USO1: variants seen among roughly 807,000 people sequenced by gnomAD.
The protein encoded by USO1 is USO1 vesicle transport factor, also known as general vesicular transport factor p115.
In USO1, 57 loss-of-function variants were observed where a neutral mutation model predicts 124.5. The ratio of observed to expected loss-of-function variants is 0.46; its 90% CI spans 0.37 to 0.57. The LOEUF (loss-of-function observed/expected upper bound fraction) is 0.57, where lower values mean the gene tolerates loss of function less well. Ranked by LOEUF, USO1 falls within the 20% of genes least tolerant of loss-of-function variation. The pLI is 0.00. For missense variants in USO1, 900 were observed against 1,040.6 expected, an observed-to-expected ratio of 0.86 and a Z score of 1.86; for synonymous variants, 369 against 362.8, an observed-to-expected ratio of 1.02 and a Z score of -0.19.
chr4:75,803,102 C>G (rs1722899218), intron 17 of USO1, among the ~76,000 whole-genome samples: 1 of 142,144 alleles, frequency 7.0e-6, no homozygotes, highest in African/African-American at 2.6e-5. Flanking sequence ...AAAAAAAAAC[C>G]CAAGAAAAAA....
intron 3 of USO1, among the ~76,000 whole-genome samples, chr4:75,754,034 G>A (rs1225887233): frequency 6.6e-6 from 1 of 150,606 alleles, no homozygotes; most frequent in African/African-American, 2.4e-5. Flanking sequence ...TGATCCACCT[G>A]CCTTGGCCTC....
At chr4:75,737,236 TA>T (rs1275831771) in intron 1 of USO1, among the ~76,000 whole-genome samples, 4 of 152,190 alleles carry the variant, frequency 2.6e-5, no homozygotes, top group African/African-American at 9.7e-5. Flanking sequence ...TAAATAGTAA[TA>T]TTGCCTATCT....
At chr4:75,774,607 T>G in intron 7 of USO1, 69 bp from the exon 8 acceptor site, 2 of 1,518,764 alleles carry the variant, frequency 1.3e-6, no homozygotes, top group Non-Finnish European at 1.8e-6. Context: ...AATTCTGTGA[T>G]TTTTGAAGTA....
At chr4:75,737,103 G>T (rs1360289319) in intron 1 of USO1, among the ~76,000 whole-genome samples, 2 of 152,266 alleles carry the variant, frequency 1.3e-5, no homozygotes, top group Middle Eastern at 3.4e-3. Context: ...TTGGCCCAGA[G>T]AACCAATTTA....
In USO1 at chr4:75,740,941, T is replaced by C. The variant is rs79483590; in HGVS notation, c.67-11432T>C. Among the ~76,000 whole-genome samples, 871 of 152,340 alleles carry C rather than the reference T, an allele frequency of 5.7e-3. 15 individuals carry two copies. The highest frequency in any genetic ancestry group is 0.02 in the African/African-American group (815 of 41,572). ...GTTGTCTTTTGTATTTACCAATATATATATTTACACAAATGAGTTTCTTTA... is the reference window on the plus strand; with the variant it reads ...GTTGTCTTTTGTATTTACCAATATACATATTTACACAAATGAGTTTCTTTA... On this transcript the variant is annotated intron_variant, in intron 1 of 23. Transcript: ENST00000514213.
intron 4 of USO1, among the ~76,000 whole-genome samples, chr4:75,758,631 C>T (rs1390203275): frequency 6.6e-6 from 1 of 151,792 alleles, no homozygotes; most frequent in Admixed American, 6.6e-5. Context: ...GTCTGCAATC[C>T]CAGCACTTTG....
At chr4:75,751,203 A>G (rs1392593595) in intron 1 of USO1, among the ~76,000 whole-genome samples, 2 of 149,498 alleles carry the variant, frequency 1.3e-5, no homozygotes, top group African/African-American at 2.4e-5. Flanking sequence ...ATTTTATTTT[A>G]TTTTATTTTT....
At chr4:75,729,261 G>A (rs1375597842) in intron 1 of USO1, among the ~76,000 whole-genome samples, 1 of 151,900 alleles carries the variant, frequency 6.6e-6, no homozygotes, top group Admixed American at 6.6e-5. Flanking sequence ...CTAACCACTA[G>A]ACCACCAGGG....
intron 22 of USO1, among the ~76,000 whole-genome samples, chr4:75,811,168 T>TGA (rs1052461190): frequency 6.6e-6 from 1 of 151,982 alleles, no homozygotes; most frequent in African/African-American, 2.4e-5. Flanking sequence ...TTTTTTTTTT[T>TGA]GAGAGAGAGT....
chr4:75,796,945 C>G (rs1333225213), intron 13 of USO1, among the ~76,000 whole-genome samples: 1 of 84,976 alleles, frequency 1.2e-5, no homozygotes, highest in African/African-American at 4.6e-5. Flanking sequence ...TTTTTTTTTT[C>G]TCAGACTTAT....
rs940289541 is a variant in USO1 at position 75,741,473 on chromosome 4, G to C, written c.67-10900G>C. 6.7e-4 allele frequency among the ~76,000 whole-genome samples: 101 copies of C among 151,546 alleles called. 1 individual carries two copies. The highest frequency in any genetic ancestry group is 2.4e-3 in the African/African-American group (100 of 41,316). ...TACTATAACTTTTTAACTTCATAAA[G>C]TTTTAAACTTTTTTTAAAGCTTTCT... On this transcript the variant is annotated intron_variant, in intron 1 of 23. Transcript: ENST00000514213.
In USO1 at chr4:75,787,201, A is replaced by G; in HGVS notation, c.995A>G (p.Glu332Gly). ...GGGGTTCCTGCTGATATCCTGACTG[A>G]GGTAAAGCAAATGAAGTCAAAGCCA... is the stretch of plus-strand genomic sequence containing the variant. ...ATGVPADILT[E>G]TINTVSEVIR... The change falls in exon 10 of 24, where the codon GAG (glutamate) becomes GGG (glycine). Residue 332 changes from glutamate (E) to glycine (G), a missense_variant and splice_region_variant. Physicochemically the swap from Glu to Gly is moderately conservative, Grantham distance 98. This residue lies in a region of USO1 where 538 missense variants were observed against 681.6 expected (regional missense o/e 0.79). Coordinates refer to ENST00000514213, the MANE Select transcript of USO1 (RefSeq NM_003715.4). The G allele has an allele frequency of 6.6e-7, 1 of 1,517,862 alleles. No homozygotes were observed. Among genetic ancestry groups the G allele is most frequent in the Non-Finnish European group, 8.8e-7 (1 of 1,136,900 alleles). 94.0% of individuals were successfully genotyped at this position (1,517,862 alleles called of 1,614,324 possible).
intron 1 of USO1, among the ~76,000 whole-genome samples, chr4:75,735,049 C>T (rs1720750134): frequency 6.6e-6 from 1 of 151,968 alleles, no homozygotes; most frequent in Non-Finnish European, 1.5e-5. Flanking sequence ...AATATTGATT[C>T]TTTGATCCAT....
At chr4:75,727,489 G>A (rs1720498541) in intron 1 of USO1, among the ~76,000 whole-genome samples, 1 of 152,052 alleles carries the variant, frequency 6.6e-6, no homozygotes, top group South Asian at 2.1e-4. Context: ...TTATTCTGAG[G>A]TACAGTATGA....
At chr4:75,788,941 A>G (rs1277995987) in intron 10 of USO1, among the ~76,000 whole-genome samples, 1 of 152,158 alleles carries the variant, frequency 6.6e-6, no homozygotes, top group Admixed American at 6.5e-5. Flanking sequence ...AATTAATTTA[A>G]TGTTTGGCTA....
intron 4 of USO1, among the ~76,000 whole-genome samples, chr4:75,761,165 A>C (rs1721595008): frequency 6.6e-6 from 1 of 152,216 alleles, no homozygotes; most frequent in African/African-American, 2.4e-5. Flanking sequence ...AAAATTAATA[A>C]ATAAAAATTA....
In USO1 at chr4:75,804,286, A is replaced by G; in HGVS notation, c.2125+14A>G. 6.2e-7 allele frequency: 1 copy of G among 1,607,398 alleles called. No individual in the cohort carries two copies. Among genetic ancestry groups the G allele is most frequent in the South Asian group, 1.1e-5 (1 of 89,518 alleles). ...AAATACAGCTAGGTAAGCATAGCTA[A>G]GCCATCACTATGATAGCACTCAGGT... On this transcript the variant is annotated intron_variant, in intron 18 of 23. Transcript: ENST00000514213.
intron 7 of USO1, among the ~76,000 whole-genome samples, chr4:75,772,022 G>A (rs143778599): frequency 6.6e-6 from 1 of 152,178 alleles, no homozygotes; most frequent in East Asian, 1.9e-4. Flanking sequence ...TTATGGTATT[G>A]GCCGTGTGAC....
chr4:75,733,933 G>A (rs1720711346), intron 1 of USO1, among the ~76,000 whole-genome samples: 1 of 134,992 alleles, frequency 7.4e-6, no homozygotes, highest in Non-Finnish European at 1.5e-5. Context: ...TTTTCTTCGA[G>A]GATTTTTTTT....
Sources: gnomAD v4.1 joint callset for allele counts (sites outside exome capture counted in the v4.1 genomes callset) on GRCh38, gnomAD v4.1.1 for gene constraint, gnomAD v4.1.1 regional missense constraint, MANE v1.5 for transcripts, NCBI Gene and HGNC (gene_info 2026-07-23, HGNC 2026-07-21) for gene names.